The following SNX7 variants were observed in gnomAD, a reference collection of about 807,000 sequenced individuals.
The protein encoded by SNX7 is sorting nexin 7, also known as sorting nexin-7.
Under a neutral mutation model 48.4 loss-of-function variants are expected in SNX7, and 35 were observed. The ratio of observed to expected loss-of-function variants is 0.72; its 90% CI spans 0.55 to 0.96. SNX7 has a LOEUF of 0.96. Among genes scored for constraint, SNX7 ranks in the 40% least tolerant of loss-of-function variants. The probability of loss-of-function intolerance (pLI) is 0.00; values close to 1 mark genes in which losing one functional copy is unlikely to be tolerated. For missense variants in SNX7, 553 were observed against 548.9 expected (o/e 1.01, Z -0.07); for synonymous variants, 190 against 190.2 (o/e 1.00, Z 0.01).
chr1:98,734,657 A>G (rs1033002460), intron 7 of SNX7, among the ~76,000 whole-genome samples: 4 of 152,180 alleles, frequency 2.6e-5, no homozygotes, highest in African/African-American at 9.6e-5. Context: ...TACTGTTACT[A>G]TAGATATGTA....
chr1:98,674,156 T>C (rs1455631702), intron 1 of SNX7, among the ~76,000 whole-genome samples: 1 of 152,244 alleles, frequency 6.6e-6, no homozygotes, highest in South Asian at 2.1e-4. Flanking sequence ...TGAAATATTT[T>C]AATCATGATT....
chr1:98,666,362 C>T (rs922707541), intron 1 of SNX7, among the ~76,000 whole-genome samples: 1 of 152,190 alleles, frequency 6.6e-6, no homozygotes, highest in Non-Finnish European at 1.5e-5. Flanking sequence ...GAGATGGGGA[C>T]ACTTCTTCAG....
rs145397734 is a variant in SNX7 at position 98,759,990 on chromosome 1, T to C, written c.1279-64T>C. On this transcript the variant is annotated intron_variant, in intron 8 of 8. Coordinates refer to ENST00000306121, the MANE Select transcript of SNX7 (RefSeq NM_015976.5). ...GTAGGAACAGATGTGTTAGAATTTA[T>C]TAATCCTTTAACACTGAAAGTAAAC... 2.8e-3 allele frequency: 2,948 copies of C among 1,063,466 alleles called. 9 individuals carry two copies. Among genetic ancestry groups the C allele is most frequent in the Non-Finnish European group, 3.7e-3 (2,489 of 679,826 alleles). The allele number at this position is 1,063,466 out of a possible 1,614,324, so 65.9% of individuals were successfully genotyped here.
intron 8 of SNX7, among the ~76,000 whole-genome samples, chr1:98,757,692 G>A (rs1248293521): frequency 6.6e-6 from 1 of 151,634 alleles, no homozygotes; most frequent in Admixed American, 6.6e-5. Context: ...TTTCCAGGGT[G>A]TTGAAAACCA....
intron 7 of SNX7, among the ~76,000 whole-genome samples, chr1:98,726,866 C>G (rs1653202127): frequency 6.6e-6 from 1 of 152,154 alleles, no homozygotes. Context: ...CATCCTGTGC[C>G]CTTTGTCCTG....
chr1:98,755,274 C>T (rs1654785466), intron 8 of SNX7, among the ~76,000 whole-genome samples: 1 of 151,970 alleles, frequency 6.6e-6, no homozygotes, highest in East Asian at 1.9e-4. Flanking sequence ...AATATGTATT[C>T]TGCTTTTGTC....
rs199646574 is a variant in SNX7 at position 98,717,010 on chromosome 1, TAA to T, written c.1125+15117_1125+15118del. ...TGGTGTTTTCTTCTTTTATCTTCTT[TAA>T]AAAAAAAAACTTGGATTTCATAATA... On this transcript the variant is annotated intron_variant, in intron 7 of 8. Transcript: ENST00000306121. Among the ~76,000 whole-genome samples, 32 of 148,336 alleles carry T rather than the reference TAA, an allele frequency of 2.2e-4. No homozygotes were observed. The East Asian group carries it at 2.6e-3, about 12-fold the overall frequency.
chr1:98,693,579 G>A (rs916660076), intron 4 of SNX7, among the ~76,000 whole-genome samples: 1 of 152,194 alleles, frequency 6.6e-6, no homozygotes, highest in African/African-American at 2.4e-5. Flanking sequence ...CTTGCCAGTT[G>A]TGACGTGAGC....
intron 8 of SNX7, among the ~76,000 whole-genome samples, chr1:98,757,402 C>A (rs573047487): frequency 5.3e-5 from 8 of 151,976 alleles, no homozygotes; most frequent in Non-Finnish European, 1.2e-4. Flanking sequence ...CAGATGCCCA[C>A]CTTCCTGCTG....
chr1:98,685,774 A>G (rs1426796327), intron 2 of SNX7, among the ~76,000 whole-genome samples: 1 of 152,118 alleles, frequency 6.6e-6, no homozygotes, highest in East Asian at 1.9e-4. Flanking sequence ...AAAGTTCTGA[A>G]CTATGTTTCT....
intron 8 of SNX7, among the ~76,000 whole-genome samples, chr1:98,750,305 G>A (rs1654517980): frequency 6.6e-6 from 1 of 151,962 alleles, no homozygotes; most frequent in African/African-American, 2.4e-5. Context: ...GCATCACATG[G>A]TGGCTAAGGG....
At chr1:98,690,548 T>TA (rs1651062501) in intron 2 of SNX7, among the ~76,000 whole-genome samples, 1 of 152,112 alleles carries the variant, frequency 6.6e-6, no homozygotes, top group African/African-American at 2.4e-5. Flanking sequence ...AAAATCACTC[T>TA]AAAATGTTAG....
At chr1:98,739,274 C>G (rs2101036469) in intron 8 of SNX7, among the ~76,000 whole-genome samples, 1 of 152,328 alleles carries the variant, frequency 6.6e-6, no homozygotes, top group East Asian at 1.9e-4. Flanking sequence ...CGCTCACCTC[C>G]TGCTGTGCGG....
chr1:98,744,333 C>G (rs1009361954), intron 8 of SNX7, among the ~76,000 whole-genome samples: 16 of 151,976 alleles, frequency 1.1e-4, no homozygotes, highest in African/African-American at 3.6e-4. Context: ...GGTGAAGAAT[C>G]TGACACAATT....
intron 7 of SNX7, among the ~76,000 whole-genome samples, chr1:98,725,110 T>C (rs1162540234): frequency 6.6e-6 from 1 of 152,198 alleles, no homozygotes; most frequent in Non-Finnish European, 1.5e-5. Context: ...TCATGGGCAA[T>C]GCAAACTCAA....
intron 8 of SNX7, among the ~76,000 whole-genome samples, chr1:98,743,135 A>T (rs1654154762): frequency 6.6e-6 from 1 of 151,940 alleles, no homozygotes; most frequent in Non-Finnish European, 1.5e-5. Flanking sequence ...AGTCTTATTT[A>T]GGAATGTCAG....
chr1:98,713,151 A>G (rs1228502027), intron 7 of SNX7, among the ~76,000 whole-genome samples: 1 of 151,522 alleles, frequency 6.6e-6, no homozygotes, highest in Non-Finnish European at 1.5e-5. Flanking sequence ...TAGTGTAGCC[A>G]TCCTTATCAA....
At chr1:98,676,122 T>C (rs1255277183) in intron 1 of SNX7, among the ~76,000 whole-genome samples, 1 of 151,822 alleles carries the variant, frequency 6.6e-6, no homozygotes, top group African/African-American at 2.4e-5. Flanking sequence ...CCTCTCTCCC[T>C]CCCTGCCCAT....
chr1:98,675,923 G>A (rs185314157), intron 1 of SNX7, among the ~76,000 whole-genome samples: 2 of 152,170 alleles, frequency 1.3e-5, no homozygotes, highest in African/African-American at 4.8e-5. Flanking sequence ...GGTTCTTACT[G>A]TCTCTTAGCA....
Sources: gnomAD v4.1 joint callset for allele counts (sites outside exome capture counted in the v4.1 genomes callset) on GRCh38, gnomAD v4.1.1 for gene constraint, MANE v1.5 for transcripts, NCBI Gene and HGNC (gene_info 2026-07-23, HGNC 2026-07-21) for gene names.